TSC2: variants seen among roughly 807,000 people sequenced by gnomAD.
The protein encoded by TSC2 is TSC complex subunit 2.
TSC2 carries 29 observed loss-of-function variants against 202.2 expected under a neutral mutation model. The observed-to-expected ratio is 0.14, with a 90% CI of 0.11 to 0.20. TSC2 has a LOEUF of 0.20. Ranked by LOEUF, TSC2 falls within the 10% of genes least tolerant of loss-of-function variation. The pLI is 1.00. For synonymous variants in TSC2, 1,349 were observed against 1,044.0 expected, an observed-to-expected ratio of 1.29 and a Z score of -5.63; for missense variants, 2,429 against 2,420.0, an observed-to-expected ratio of 1.00 and a Z score of -0.08.
In TSC2 at chr16:2,079,559, C is replaced by T. The variant is rs140772300; in HGVS notation, c.3287C>T (p.Ser1096Phe). The T allele has an allele frequency of 8.6e-5, 139 of 1,609,806 alleles. No homozygotes were observed. Among genetic ancestry groups the T allele is most frequent in the Non-Finnish European group, 1.0e-4 (122 of 1,178,796 alleles). The change falls in exon 29 of 42, where the codon TCC becomes TTC. Residue 1096 changes from serine (S) to phenylalanine (F), a missense_variant and splice_region_variant. Coordinates refer to ENST00000219476, the MANE Select transcript of TSC2 (RefSeq NM_000548.5). This position sits in a 1 kb window ranked among gnomAD's most constrained non-coding sequence, Gnocchi z 4.6. ...GELQSGPESS[S>F]SPGVHVRQTK... ...TGTGCGTGGGATTCTCTTCTCAGCT[C>T]CAGCCCCGGGGTGCATGTGAGACAG... is the stretch of plus-strand genomic sequence containing the variant.
At chr16:2,071,654 G>C in intron 18 of TSC2, 38 bp downstream of exon 18, 1 of 1,611,554 alleles carries the variant, frequency 6.2e-7, no homozygotes, top group South Asian at 1.1e-5. Context: ...GAGGCTCAGG[G>C]CGTCAGAGGC....
At chr16:2,058,981 C>T in intron 10 of TSC2, 108 bp downstream of exon 10, 3 of 1,526,406 alleles carry the variant, frequency 2.0e-6, no homozygotes, top group South Asian at 1.2e-5. Flanking sequence ...GGTGGCATTT[C>T]TAGGCCTTTC....
At chr16:2,056,489 C>T (rs2085842243) in intron 7 of TSC2, among the ~76,000 whole-genome samples, 155 bp from the exon 8 acceptor site, 1 of 152,242 alleles carries the variant, frequency 6.6e-6, no homozygotes, top group South Asian at 2.1e-4. Context: ...GTGCTTCCCA[C>T]ATGCCCGCTT....
intron 25 of TSC2, chr16:2,077,308 T>A: frequency 2.3e-6 from 1 of 443,158 alleles, no homozygotes; most frequent in South Asian, 2.1e-5. Context: ...GCCGTGGGGG[T>A]GACCCACACA....
chr16:2,079,438 C>G lies in TSC2; in HGVS notation c.3284+10C>G, dbSNP rs776269274. 1 of 1,612,772 alleles carries G rather than the reference C, an allele frequency of 6.2e-7. No homozygotes were observed. The highest frequency in any genetic ancestry group is 8.5e-7 in the Non-Finnish European group (1 of 1,179,992). ...CCGGCCCGGAGTCGAGGTGACTGCA[C>G]CTTCCTTTCCTCCGCGCCTGCCAGC... On this transcript the variant is annotated intron_variant, in intron 28 of 41. Coordinates refer to ENST00000219476, the MANE Select transcript of TSC2 (RefSeq NM_000548.5). The surrounding 1 kb of genome is among the most constrained non-coding windows in gnomAD (Gnocchi z 4.6).
chr16:2,049,202 C>T (rs1341797507), intron 2 of TSC2, among the ~76,000 whole-genome samples: 1 of 152,106 alleles, frequency 6.6e-6, no homozygotes, highest in South Asian at 2.1e-4. Context: ...TCTCCTGCCT[C>T]AGCCTCCTGA....
At chr16:2,059,089 G>A (rs1165816235) in intron 10 of TSC2, among the ~76,000 whole-genome samples, 1 of 148,854 alleles carries the variant, frequency 6.7e-6, no homozygotes, top group African/African-American at 2.5e-5. Context: ...TTTCTGCTTG[G>A]CTGACTGCAA....
chr16:2,072,889 C>G lies in TSC2; in HGVS notation c.2261C>G (p.Pro754Arg), dbSNP rs2088690950. ...ACACTGGAGCGGCTCCGAGGCGCCCCAGAAGGCTTCTCCAGAACTGACTTG... is the reference window on the plus strand; with the variant it reads ...ACACTGGAGCGGCTCCGAGGCGCCCGAGAAGGCTTCTCCAGAACTGACTTG... The part of the protein sequence containing the change: ...PKTLERLRGA[P>R]EGFSRTDLHL... The change falls in exon 21 of 42, where the codon CCA becomes CGA. Residue 754 changes from proline to arginine, a missense_variant. By Grantham distance (103) the Pro-to-Arg change is moderately radical (BLOSUM62 -2). Coordinates refer to ENST00000219476, the MANE Select transcript of TSC2 (RefSeq NM_000548.5). The G allele has an allele frequency of 6.2e-7, 1 of 1,613,622 alleles. No homozygotes were observed. The highest frequency in any genetic ancestry group is 8.5e-7 in the Non-Finnish European group (1 of 1,180,042).
rs587778737 is a variant in TSC2, at chr16:2,083,774, G to A, written c.3963G>A (p.Glu1321=). The change falls in exon 33 of 42, where the codon GAG becomes GAA. Residue 1321 remains glutamate (E), a synonymous_variant. Coordinates refer to ENST00000219476, the MANE Select transcript of TSC2 (RefSeq NM_000548.5). ...AGCCCCCAGGGTTGGAGGACGTTGAGGCAGCGCTAGGCATGGACAGGCGCA... is the reference window on the plus strand; with the variant it reads ...AGCCCCCAGGGTTGGAGGACGTTGAAGCAGCGCTAGGCATGGACAGGCGCA... ...LVEPPGLEDV[E]AALGMDRRTD... is the part of the protein sequence containing the mutation. 6.2e-7 allele frequency: 1 copy of A among 1,611,194 alleles called. No individual in the cohort carries two copies. The highest frequency in any genetic ancestry group is 8.5e-7 in the Non-Finnish European group (1 of 1,179,452).
Position 2,079,746 on chromosome 16 carries a change from G to GT in TSC2, c.3397+77_3397+78insT, listed in dbSNP as rs1380585253. 1 of 1,456,516 alleles carries GT rather than the reference G, an allele frequency of 6.9e-7. No homozygotes were observed. The highest frequency in any genetic ancestry group is 9.2e-7 in the Non-Finnish European group (1 of 1,083,388). The allele number at this position is 1,456,516 out of a possible 1,614,324, so 90.2% of individuals were successfully genotyped here. On this transcript the variant is annotated intron_variant, in intron 29 of 41. Coordinates refer to ENST00000219476, the MANE Select transcript of TSC2 (RefSeq NM_000548.5). This position sits in a 1 kb window ranked among gnomAD's most constrained non-coding sequence, Gnocchi z 4.6. The stretch of plus-strand genomic sequence containing the variant: ...GCTGCTGGTCCCAGTGTTCAGGAAG[G>GT]CCCCGAGCCCAGGGGCCGGGGTGGC...
At chr16:2,087,715 AAC>A (rs746827625) in intron 38 of TSC2, 146 bp from the exon 39 acceptor site, 163 of 1,029,732 alleles carry the variant, frequency 1.6e-4, no homozygotes, top group Non-Finnish European at 2.2e-4. Context: ...AGGCCAGACA[AAC>A]ACAGCCCCGC....
intron 13 of TSC2, 95 bp from the exon 14 acceptor site, chr16:2,062,877 A>T: frequency 7.2e-7 from 1 of 1,390,278 alleles, no homozygotes; most frequent in Admixed American, 2.0e-5. Context: ...CCGCGGGAGG[A>T]CCCAGAGTCG....
At chr16:2,081,460 C>G in intron 30 of TSC2, 135 bp from the exon 31 acceptor site, 1 of 1,182,310 alleles carries the variant, frequency 8.5e-7, no homozygotes, top group East Asian at 2.4e-5. Context: ...GCGCTGGCTC[C>G]GACATCGTGG....
At chr16:2,078,733 G>A (rs574815718) in intron 26 of TSC2, 17 of 470,954 alleles carry the variant, frequency 3.6e-5, no homozygotes, top group South Asian at 2.5e-4. Flanking sequence ...ACACCGTTTC[G>A]CCAGGAGGCC....
chr16:2,065,949 C>T (rs1458927145), intron 16 of TSC2, among the ~76,000 whole-genome samples: 1 of 152,174 alleles, frequency 6.6e-6, no homozygotes, highest in East Asian at 1.9e-4. Flanking sequence ...AAGGGTGGCC[C>T]TCCATTCCTG....
intron 4 of TSC2, 169 bp from the exon 5 acceptor site, chr16:2,054,127 C>G: frequency 9.2e-7 from 1 of 1,087,598 alleles, no homozygotes; most frequent in Admixed American, 2.0e-5. Context: ...CATCCGGCCC[C>G]CTGCCCTGTA....
rs1060500974 is a variant in TSC2 at position 2,060,685 on chromosome 16, A to G, written c.991A>G (p.Asn331Asp). 3 of 1,614,056 alleles carry G rather than the reference A, an allele frequency of 1.9e-6. No homozygotes were observed. The highest frequency in any genetic ancestry group is 1.7e-6 in the Non-Finnish European group (2 of 1,180,016). The change falls in exon 11 of 42, where the codon AAC (asparagine) becomes GAC (aspartate). Residue 331 changes from asparagine to aspartate, a missense_variant. Transcript: ENST00000219476. ...CGTGTTCCAGGCCATGGCATGTCCG[A>G]ACGAGGTGGTGTCCTATGAGATCGT... ...PSFYQAMACPNEVVSYEIVLS... is the reference protein window; with the variant it reads ...PSFYQAMACPDEVVSYEIVLS...
In TSC2 at chr16:2,076,561, C is replaced by G. The variant is rs2089413903; in HGVS notation, c.2813C>G (p.Thr938Ser). 6.2e-7 allele frequency: 1 copy of G among 1,613,190 alleles called. No individual in the cohort carries two copies. The highest frequency in any genetic ancestry group is 1.3e-5 in the African/African-American group (1 of 74,848). The part of the protein sequence containing the change: ...PEKDSFRARS[T>S]SLNERPKSLR... ...AAGGACAGCTTCAGGGCCCGGAGTA[C>G]TAGTCTCAACGAGAGACCCAAGAGG... Residue 938 changes from threonine (T) to serine (S), a missense_variant, in exon 25 of 42, where the codon ACT (threonine) becomes AGT (serine). Physicochemically the swap from Thr to Ser is moderately conservative, Grantham distance 58. Coordinates refer to ENST00000219476, the MANE Select transcript of TSC2 (RefSeq NM_000548.5).
At chr16:2,085,754 C>A (rs1004923234) in intron 36 of TSC2, among the ~76,000 whole-genome samples, 1 of 152,224 alleles carries the variant, frequency 6.6e-6, no homozygotes, top group Non-Finnish European at 1.5e-5. Flanking sequence ...TGGGCAGCCT[C>A]AGCGCCCTAT....
Sources: gnomAD v4.1 joint callset for allele counts (sites outside exome capture counted in the v4.1 genomes callset) on GRCh38, gnomAD v4.1.1 for gene constraint, Gnocchi (gnomAD v3.1) non-coding constraint, MANE v1.5 for transcripts, NCBI Gene and HGNC (gene_info 2026-07-23, HGNC 2026-07-21) for gene names.